ADAM32: variants seen among roughly 807,000 people sequenced by gnomAD.
ADAM32 encodes the protein ADAM metallopeptidase domain 32.
In ADAM32, 89 loss-of-function variants were observed where a neutral mutation model predicts 114.9. The observed-to-expected ratio is 0.77, with a 90% CI of 0.65 to 0.92. The LOEUF is 0.92. Ranked by LOEUF, ADAM32 falls within the 40% of genes least tolerant of loss-of-function variation. The pLI is 0.00. For missense variants in ADAM32, 870 were observed against 932.8 expected, an observed-to-expected ratio of 0.93 and a Z score of 0.88; for synonymous variants, 285 against 307.5, an observed-to-expected ratio of 0.93 and a Z score of 0.77.
intron 10 of ADAM32, among the ~76,000 whole-genome samples, chr8:39,183,485 G>T (rs1377656898): frequency 4.6e-5 from 7 of 151,862 alleles, no homozygotes; most frequent in Non-Finnish European, 5.9e-5. Context: ...TCCCAATATA[G>T]TATAGTAAGT....
chr8:39,239,830 G>A (rs957345826), intron 16 of ADAM32, among the ~76,000 whole-genome samples: 13 of 152,074 alleles, frequency 8.5e-5, no homozygotes, highest in Admixed American at 1.3e-4. Context: ...AAAAGACAAA[G>A]AGGGGCATTA....
chr8:39,212,058 C>T (rs2129448389), intron 12 of ADAM32, among the ~76,000 whole-genome samples: 1 of 151,546 alleles, frequency 6.6e-6, no homozygotes, highest in Admixed American at 6.6e-5. Context: ...CTCTTGTTGC[C>T]CAGGCTGGAG....
Position 39,257,290 on chromosome 8 carries a change from A to G in ADAM32, c.2109A>G (p.Ala703=). The part of the protein sequence containing the change: ...ILIVTTAIVL[A]RKQLKKWFAK... ...TTGTAACAACCGCAATAGTTTTGGC[A>G]AGGAAACAGTTGAAAAAGTGGTTCG... The change falls in exon 19 of 25, where the codon GCA becomes GCG. Residue 703 remains alanine, a synonymous_variant. Coordinates refer to ENST00000379907, the MANE Select transcript of ADAM32 (RefSeq NM_145004.7). 6.2e-7 allele frequency: 1 copy of G among 1,613,326 alleles called. No individual in the cohort carries two copies. Among genetic ancestry groups the G allele is most frequent in the Non-Finnish European group, 8.5e-7 (1 of 1,179,526 alleles).
chr8:39,173,257 T>A (rs750492257), intron 10 of ADAM32, among the ~76,000 whole-genome samples: 2 of 152,212 alleles, frequency 1.3e-5, no homozygotes, highest in Non-Finnish European at 2.9e-5. Flanking sequence ...AGACTCTGTC[T>A]CAAAAACAAA....
At chr8:39,274,935 A>G (rs1812981313) in intron 21 of ADAM32, among the ~76,000 whole-genome samples, 4 of 152,188 alleles carry the variant, frequency 2.6e-5, no homozygotes, top group Non-Finnish European at 5.9e-5. Flanking sequence ...AGTTCATGGG[A>G]AGCATGGAGT....
chr8:39,219,592 C>G (rs1485624435), intron 12 of ADAM32, among the ~76,000 whole-genome samples: 2 of 152,208 alleles, frequency 1.3e-5, no homozygotes, highest in Non-Finnish European at 2.9e-5. Flanking sequence ...CTCCCTGAGT[C>G]ACACAGATTC....
intron 11 of ADAM32, among the ~76,000 whole-genome samples, chr8:39,198,321 G>A (rs1262020580): frequency 6.6e-6 from 1 of 151,958 alleles, no homozygotes. Context: ...TAATAAATTA[G>A]GACTTACTCC....
chr8:39,176,755 C>G (rs143144879), intron 10 of ADAM32, among the ~76,000 whole-genome samples: 24 of 152,234 alleles, frequency 1.6e-4, no homozygotes, highest in African/African-American at 5.8e-4. Context: ...AATTTTCTGT[C>G]TCAATGATTT....
chr8:39,228,432 G>A (rs1809535560), intron 14 of ADAM32, among the ~76,000 whole-genome samples: 1 of 152,172 alleles, frequency 6.6e-6, no homozygotes. Context: ...TCCAAAAAAT[G>A]ATACAAGAAG....
chr8:39,156,914 G>A (rs1804186060), intron 6 of ADAM32, among the ~76,000 whole-genome samples: 1 of 152,158 alleles, frequency 6.6e-6, no homozygotes, highest in Non-Finnish European at 1.5e-5. Flanking sequence ...ACATACTGGG[G>A]TTAGATCTTT....
At chr8:39,133,863 C>T (rs1412072857) in intron 2 of ADAM32, among the ~76,000 whole-genome samples, 1 of 152,220 alleles carries the variant, frequency 6.6e-6, no homozygotes, top group African/African-American at 2.4e-5. Context: ...GTGGGCCGGT[C>T]CTCAGACTTA....
At chr8:39,283,877 G>A (rs1323894384) in intron 24 of ADAM32, among the ~76,000 whole-genome samples, 2 of 150,628 alleles carry the variant, frequency 1.3e-5, no homozygotes, top group East Asian at 2.0e-4. Flanking sequence ...GCGTTCAAGC[G>A]ATTCTCCTGC....
At chr8:39,167,212 A>AT (rs1804895224) in intron 9 of ADAM32, 1 of 152,114 alleles carries the variant, frequency 6.6e-6, no homozygotes, top group South Asian at 2.1e-4. Context: ...TCTTGAGTTG[A>AT]TTTTTGTATA....
intron 11 of ADAM32, among the ~76,000 whole-genome samples, chr8:39,204,127 A>C (rs1807643593): frequency 6.6e-6 from 1 of 152,122 alleles, no homozygotes; most frequent in South Asian, 2.1e-4. Flanking sequence ...TGCTGTTCTC[A>C]AGGAGTATCT....
At chr8:39,186,568 G>A (rs1008179821) in intron 10 of ADAM32, among the ~76,000 whole-genome samples, 2 of 152,160 alleles carry the variant, frequency 1.3e-5, no homozygotes, top group African/African-American at 4.8e-5. Context: ...TAGAGCTCTT[G>A]TAAAAAGTTA....
rs577494939 is a variant in ADAM32, at chr8:39,150,278, A to T, written c.353+411A>T. On this transcript the variant is annotated intron_variant, in intron 5 of 24. Transcript: ENST00000379907. ...GGTAATTTCTGCTGCTTTTGTAACT[A>T]TAAAAAAGTGAAATGGAGAGCTGGT... Among the ~76,000 whole-genome samples, 49 of 152,260 alleles carry T rather than the reference A, an allele frequency of 3.2e-4. 1 individual carries two copies. Among genetic ancestry groups the T allele is most frequent in the Admixed American group, 2.0e-3 (30 of 15,304 alleles).
intron 11 of ADAM32, among the ~76,000 whole-genome samples, chr8:39,196,262 A>G (rs1013777841): frequency 2.6e-5 from 4 of 152,090 alleles, no homozygotes; most frequent in Admixed American, 2.6e-4. Context: ...ATTTTTCTAT[A>G]TATAAGAGCA....
chr8:39,233,810 C>T (rs774577067), intron 15 of ADAM32, 89 bp from the exon 16 acceptor site: 9 of 919,106 alleles, frequency 9.8e-6, no homozygotes, highest in Non-Finnish European at 1.3e-5. Flanking sequence ...AGTGGAAAAC[C>T]ATTCTTTTTG....
intron 6 of ADAM32, chr8:39,158,025 A>G (rs1804245136): frequency 3.7e-6 from 1 of 272,962 alleles, no homozygotes; most frequent in Non-Finnish European, 7.3e-6. Flanking sequence ...TGGTATGCCA[A>G]TGACTGGTGA....
Sources: allele counts gnomAD v4.1 joint callset (sites outside exome capture counted in the v4.1 genomes callset), GRCh38; gene constraint gnomAD v4.1.1; transcripts MANE v1.5; gene names NCBI Gene and HGNC (gene_info 2026-07-23, HGNC 2026-07-21).